CSMD1: variants seen among roughly 807,000 people sequenced by gnomAD.
The protein encoded by CSMD1 is CUB and sushi domain-containing protein 1.
CSMD1 carries 213 observed loss-of-function variants against 417.5 expected under a neutral mutation model. The observed-to-expected ratio is 0.51, with a 90% confidence interval of 0.46 to 0.57. The LOEUF is 0.57. CSMD1 is among the 20% of genes least tolerant of loss of function. The pLI, the probability that CSMD1 is intolerant of heterozygous loss-of-function variation, is 0.00. For synonymous variants in CSMD1, 2,862 were observed against 1,736.8 expected (o/e 1.65, Z -16.11); for missense variants, 6,923 against 4,529.7 (o/e 1.53, Z -15.17).
chr8:3,890,921 C>A (rs1408121624), intron 5 of CSMD1, among the ~76,000 whole-genome samples: 1 of 152,130 alleles, frequency 6.6e-6, no homozygotes, highest in Non-Finnish European at 1.5e-5. Context: ...GGACTATGTG[C>A]TAGCTACTCT....
chr8:3,164,215 T>G (rs1279444447), intron 37 of CSMD1, among the ~76,000 whole-genome samples: 1 of 152,134 alleles, frequency 6.6e-6, no homozygotes, highest in African/African-American at 2.4e-5. Flanking sequence ...GTACATAAAC[T>G]AGTTGAGTAA....
At chr8:4,143,744 G>A (rs1003471369) in intron 3 of CSMD1, among the ~76,000 whole-genome samples, 2 of 151,154 alleles carry the variant, frequency 1.3e-5, no homozygotes, top group Admixed American at 6.6e-5. Flanking sequence ...CTGTGAAAGG[G>A]GGGATTTATT....
intron 1 of CSMD1, among the ~76,000 whole-genome samples, chr8:4,962,187 GC>G (rs759578464): frequency 6.1e-5 from 6 of 98,368 alleles, no homozygotes; most frequent in South Asian, 3.6e-4. Flanking sequence ...GTAAATTTCT[GC>G]TTTTTTTTTA....
At chr8:3,451,868 T>A (rs1199518428) in intron 12 of CSMD1, among the ~76,000 whole-genome samples, 3 of 152,200 alleles carry the variant, frequency 2.0e-5, no homozygotes, top group Admixed American at 1.3e-4. Context: ...CATTGGTAGC[T>A]TGATGGGGAT....
chr8:3,644,966 G>GAAAAAAAAAAAAAAAAAAAAAAAA (rs71203456), intron 7 of CSMD1, among the ~76,000 whole-genome samples: 1 of 64,544 alleles, frequency 1.5e-5, no homozygotes, highest in African/African-American at 8.0e-5. Flanking sequence ...GGCTTTAAAT[G>GAAAAAAAAAAAAAAAAAAAAAAAA]AAAAAAAAAA....
intron 38 of CSMD1, among the ~76,000 whole-genome samples, chr8:3,161,656 A>G (rs1431416910): frequency 6.7e-6 from 1 of 150,306 alleles, no homozygotes; most frequent in African/African-American, 2.4e-5. Flanking sequence ...CCCTCTTTAT[A>G]TAGAAGATAG....
At chr8:3,056,379 T>A (rs1812221309) in intron 49 of CSMD1, among the ~76,000 whole-genome samples, 1 of 152,240 alleles carries the variant, frequency 6.6e-6, no homozygotes, top group Non-Finnish European at 1.5e-5. Flanking sequence ...TTTTTCTTTT[T>A]TTCTTTTTGA....
At chr8:3,071,685 A>T (rs951925796) in intron 49 of CSMD1, among the ~76,000 whole-genome samples, 12 of 152,212 alleles carry the variant, frequency 7.9e-5, no homozygotes, top group African/African-American at 2.9e-4. Context: ...TTTTTGGAAA[A>T]TGTGAGCAAA....
chr8:4,374,149 C>A (rs345148), intron 3 of CSMD1, among the ~76,000 whole-genome samples: 1 of 152,134 alleles, frequency 6.6e-6, no homozygotes, highest in African/African-American at 2.4e-5. Flanking sequence ...ATAAGTACGT[C>A]CTTACCCTCC....
intron 5 of CSMD1, among the ~76,000 whole-genome samples, chr8:3,760,419 C>T (rs984101907): frequency 6.6e-6 from 1 of 152,330 alleles, no homozygotes; most frequent in Middle Eastern, 3.4e-3. Flanking sequence ...CTCCTTTGAG[C>T]TTAAATAGAA....
At chr8:3,609,777 T>C (rs535869952) in intron 8 of CSMD1, among the ~76,000 whole-genome samples, 2 of 147,608 alleles carry the variant, frequency 1.4e-5, no homozygotes, top group Admixed American at 1.4e-4. Context: ...TTAAAGAGAG[T>C]CTCAAAAGAA....
chr8:3,295,240 T>G (rs1404203769), intron 25 of CSMD1, among the ~76,000 whole-genome samples: 1 of 152,084 alleles, frequency 6.6e-6, no homozygotes, highest in Non-Finnish European at 1.5e-5. Flanking sequence ...TTCTCCTGCC[T>G]CAGCCTCCCG....
Position 4,758,701 on chromosome 8 carries a change from G to A in CSMD1, c.86-121143C>T, listed in dbSNP as rs543203793. ...GTGGACACATCTTACATGGCAGCAG[G>A]TAAGATAAAGAGAGTAAAAAGCCCA... On this transcript the variant is annotated intron_variant, in intron 1 of 69. Transcript: ENST00000635120. 2.3e-3 allele frequency among the ~76,000 whole-genome samples: 342 copies of A among 151,912 alleles called. 2 individuals are homozygous for A. Among genetic ancestry groups the A allele is most frequent in the South Asian group, 4.1e-3 (20 of 4,826 alleles).
intron 5 of CSMD1, among the ~76,000 whole-genome samples, chr8:3,987,542 A>C (rs961349160): frequency 5.9e-5 from 9 of 152,186 alleles, no homozygotes; most frequent in African/African-American, 1.9e-4. Context: ...ACTCTAGCCC[A>C]AATGGTGCAG....
chr8:4,029,461 G>A (rs373032260), intron 4 of CSMD1, among the ~76,000 whole-genome samples: 8 of 152,262 alleles, frequency 5.3e-5, no homozygotes, highest in African/African-American at 1.9e-4. Flanking sequence ...GTCAGCCTGT[G>A]CAGAGAAACA....
At chr8:3,755,545 C>T (rs188026532) in intron 5 of CSMD1, among the ~76,000 whole-genome samples, 1 of 152,208 alleles carries the variant, frequency 6.6e-6, no homozygotes, top group Admixed American at 6.5e-5. Flanking sequence ...CCTGTGAGCG[C>T]CGCAGCTGCT....
chr8:4,567,802 A>C (rs1657911933), intron 2 of CSMD1, among the ~76,000 whole-genome samples: 1 of 152,224 alleles, frequency 6.6e-6, no homozygotes, highest in African/African-American at 2.4e-5. Flanking sequence ...GAAAGGAAAA[A>C]AAAAGTGAGG....
intron 18 of CSMD1, among the ~76,000 whole-genome samples, chr8:3,372,931 G>T (rs1220125819): frequency 6.6e-6 from 1 of 152,162 alleles, no homozygotes; most frequent in Non-Finnish European, 1.5e-5. Context: ...GGACGGAGGA[G>T]TCCCGAATTC....
At chr8:3,106,677 T>A in intron 45 of CSMD1, 36 bp from the exon 46 acceptor site, 3 of 1,326,062 alleles carry the variant, frequency 2.3e-6, no homozygotes, top group Non-Finnish European at 3.2e-6. Flanking sequence ...GGAAATTGTG[T>A]GTGACCTTCT....
Sources: allele counts gnomAD v4.1 joint callset (sites outside exome capture counted in the v4.1 genomes callset), GRCh38; gene constraint gnomAD v4.1.1; transcripts MANE v1.5; gene names NCBI Gene and HGNC (gene_info 2026-07-23, HGNC 2026-07-21).